The following SRP54 variants were observed in gnomAD, a reference collection of about 807,000 sequenced individuals.
The protein encoded by SRP54 is signal recognition particle subunit SRP54.
SRP54 carries 10 observed loss-of-function variants against 64.8 expected under a neutral mutation model. The ratio of observed to expected loss-of-function variants is 0.15; its 90% CI spans 0.10 to 0.26. The LOEUF (loss-of-function observed/expected upper bound fraction) is 0.26. Ranked by LOEUF, SRP54 falls within the 10% of genes least tolerant of loss-of-function variation. The probability of loss-of-function intolerance (pLI) is 1.00; values close to 1 mark genes in which losing one functional copy is unlikely to be tolerated. For synonymous variants in SRP54, 193 were observed against 185.6 expected (o/e 1.04, Z -0.32); for missense variants, 325 against 613.7 (o/e 0.53, Z 4.97).
intron 15 of SRP54, 26 bp from the exon 16 acceptor site, chr14:35,029,035 A>G: frequency 1.3e-6 from 2 of 1,577,210 alleles, no homozygotes; most frequent in Non-Finnish European, 1.7e-6. Flanking sequence ...TCTGTTTTTA[A>G]CTCTACTTCC....
rs376712278 is a variant in SRP54 at position 35,014,290 on chromosome 14, T to TTTTTTTTTTTTTTTTGTTTTTTTG, written c.886+392_886+393insTTTTTTTTTTTGTTTTTTTGTTTT. Reference sequence around the variant, plus strand: ...TGCCACTTAACTTTTTTTTTTTTTTTTTTTGAGACGGAGTTTCGCTCTTGT... The same window carrying TTTTTTTTTTTTTTTTGTTTTTTTG: ...TGCCACTTAACTTTTTTTTTTTTTTTTTTTTTTTTTTTTTTGTTTTTTTGTTTTGAGACGGAGTTTCGCTCTTGT... On this transcript the variant is annotated intron_variant, in intron 10 of 15. Transcript: ENST00000216774. Among the ~76,000 whole-genome samples, 108 of 127,252 alleles carry TTTTTTTTTTTTTTTTGTTTTTTTG rather than the reference T, an allele frequency of 8.5e-4. 2 individuals carry two copies. The highest frequency in any genetic ancestry group is 3.1e-3 in the African/African-American group (105 of 34,266). 83.5% of individuals were successfully genotyped at this position (127,252 alleles called of 152,430 possible). A position where few individuals can be genotyped will look rare whatever the true frequency, so the allele number is the denominator to read the frequency against.
chr14:35,013,743 T>C, intron 9 of SRP54, 59 bp from the exon 10 acceptor site: 1 of 1,448,370 alleles, frequency 6.9e-7, no homozygotes, highest in Non-Finnish European at 9.5e-7. Context: ...GAATTTCAGA[T>C]CTGCTGGAAA....
chr14:35,016,040 C>CCCTGCCCACTCCTT (rs2044433134), intron 11 of SRP54, among the ~76,000 whole-genome samples: 1 of 152,212 alleles, frequency 6.6e-6, no homozygotes, highest in Non-Finnish European at 1.5e-5. Context: ...TTCTTCCTCA[C>CCCTGCCCACTCCTT]TCTGCCCACT....
chr14:35,008,646 G>A lies in SRP54; in HGVS notation c.380G>A (p.Arg127Lys), dbSNP rs767571482. 1.3e-6 allele frequency: 2 copies of A among 1,585,542 alleles called. No homozygotes were observed. Among genetic ancestry groups the A allele is most frequent in the Non-Finnish European group, 1.7e-6 (2 of 1,165,860 alleles). The change falls in exon 6 of 16, where the codon AGG becomes AAG. Residue 127 changes from arginine (R) to lysine (K), a missense_variant. By Grantham distance (26) the Arg-to-Lys change is conservative. Transcript: ENST00000216774. Reference protein sequence around the residue: ...TCSKLAYYYQRKGWKTCLICA... With the variant: ...TCSKLAYYYQKKGWKTCLICA... ...ACCCAGCTAGCATATTATTACCAGAGGAAAGGTTGGAAGACCTGTTTAATA... is the reference window on the plus strand; with the variant it reads ...ACCCAGCTAGCATATTATTACCAGAAGAAAGGTTGGAAGACCTGTTTAATA...
chr14:34,997,612 G>T (rs1171945251), intron 2 of SRP54, among the ~76,000 whole-genome samples: 1 of 152,148 alleles, frequency 6.6e-6, no homozygotes, highest in Non-Finnish European at 1.5e-5. Context: ...TAACTTGGAG[G>T]TTAGAAAACT....
chr14:35,009,861 C>G (rs929638767), intron 7 of SRP54, among the ~76,000 whole-genome samples: 4 of 151,940 alleles, frequency 2.6e-5, no homozygotes, highest in African/African-American at 9.7e-5. Context: ...GACCTCATCT[C>G]TACAAAAAAT....
rs116533492 is a variant in SRP54, at chr14:35,005,229, A to G, written c.256-2054A>G. Among the ~76,000 whole-genome samples the G allele has an allele frequency of 6.3e-3, 952 of 152,294 alleles. 14 individuals carry two copies. The highest frequency in any genetic ancestry group is 0.022 in the African/African-American group (919 of 41,564). ...ATGCCTGTAGTTCCAGCTACTCAGG[A>G]GGCTGAGATGGTAGGATCGCTTGAG... is the stretch of plus-strand genomic sequence containing the variant. On this transcript the variant is annotated intron_variant, in intron 4 of 15. Transcript: ENST00000216774.
At chr14:35,020,645 C>T (rs1481828646) in intron 13 of SRP54, among the ~76,000 whole-genome samples, 1 of 152,142 alleles carries the variant, frequency 6.6e-6, no homozygotes, top group Non-Finnish European at 1.5e-5. Flanking sequence ...CCAAATAAGA[C>T]TGTCTTTTTC....
intron 1 of SRP54, among the ~76,000 whole-genome samples, chr14:34,992,149 C>G (rs1372775234): frequency 6.6e-6 from 1 of 151,728 alleles, no homozygotes; most frequent in Admixed American, 6.6e-5. Flanking sequence ...ACCAGGCTGG[C>G]CTTGAACTCC....
intron 13 of SRP54, among the ~76,000 whole-genome samples, chr14:35,020,298 C>A (rs10143040): frequency 6.6e-6 from 1 of 152,028 alleles, no homozygotes; most frequent in African/African-American, 2.4e-5. Context: ...ATGTTGATGA[C>A]TGCTAACTGA....
chr14:35,013,909 A>G lies in SRP54; in HGVS notation c.886+7A>G. The G allele has an allele frequency of 6.3e-7, 1 of 1,586,492 alleles. No individual in the cohort carries two copies. The highest frequency in any genetic ancestry group is 2.2e-5 in the East Asian group (1 of 44,722). ...TTTATTAGCAAACTTCTTGGTATGT[A>G]CAGTGGTGGGGATATAGAAAAATCT... is the stretch of plus-strand genomic sequence containing the variant. On this transcript the variant is annotated splice_region_variant and intron_variant, in intron 10 of 15. Transcript: ENST00000216774.
chr14:35,024,032 A>C (rs2044579492), intron 14 of SRP54, among the ~76,000 whole-genome samples: 1 of 151,976 alleles, frequency 6.6e-6, no homozygotes, highest in East Asian at 1.9e-4. Flanking sequence ...ATATTTCTTT[A>C]TTTATATTAT....
intron 1 of SRP54, among the ~76,000 whole-genome samples, chr14:34,983,812 C>G (rs1188868747): frequency 6.6e-6 from 1 of 152,182 alleles, no homozygotes; most frequent in Non-Finnish European, 1.5e-5. Flanking sequence ...ATGAATAACA[C>G]TAACTCTGCC....
At chr14:35,008,929 C>G in intron 7 of SRP54, 98 bp downstream of exon 7, 1 of 978,712 alleles carries the variant, frequency 1.0e-6, no homozygotes, top group Non-Finnish European at 1.5e-6. Flanking sequence ...CTCTGTCACC[C>G]AGGCTGGGGT....
At chr14:35,007,782 A>G (rs991025783) in intron 5 of SRP54, among the ~76,000 whole-genome samples, 10 of 136,606 alleles carry the variant, frequency 7.3e-5, no homozygotes, top group African/African-American at 2.6e-4. Flanking sequence ...TATTTACATT[A>G]AAATATATTA....
At chr14:35,006,518 A>G (rs1444385001) in intron 4 of SRP54, among the ~76,000 whole-genome samples, 8 of 152,306 alleles carry the variant, frequency 5.3e-5, no homozygotes, top group African/African-American at 1.9e-4. Flanking sequence ...TTAATTTTTT[A>G]TATAGATTAC....
At position 35,011,697 on chromosome 14, in the gene SRP54, T is replaced by C. The variant is rs757124106; in HGVS notation, c.636+38T>C. 4.9e-6 allele frequency: 7 copies of C among 1,429,640 alleles called. No individual in the cohort carries two copies. The East Asian group carries it at 7.2e-5, about 15-fold the overall frequency. 88.6% of individuals were successfully genotyped at this position (1,429,640 alleles called of 1,614,324 possible). A position where few individuals can be genotyped will look rare whatever the true frequency, so the allele number is the denominator to read the frequency against. ...CAATGTAACACTATTATTAGGACTT[T>C]GGTTAATTTAATTATAAAACCAGGT... On this transcript the variant is annotated intron_variant, in intron 8 of 15. Coordinates refer to ENST00000216774, the MANE Select transcript of SRP54 (RefSeq NM_003136.4).
intron 7 of SRP54, among the ~76,000 whole-genome samples, chr14:35,010,009 G>T (rs1270398515): frequency 6.6e-6 from 1 of 151,890 alleles, no homozygotes; most frequent in African/African-American, 2.4e-5. Context: ...TTAGCTGGGC[G>T]TGGTAGTGGG....
intron 7 of SRP54, among the ~76,000 whole-genome samples, 166 bp downstream of exon 7, chr14:35,008,997 C>T (rs1468824101): frequency 6.6e-6 from 1 of 151,460 alleles, no homozygotes; most frequent in East Asian, 1.9e-4. Flanking sequence ...AGTGATTCTC[C>T]TGTCTCAGCT....
Sources: allele counts gnomAD v4.1 joint callset (sites outside exome capture counted in the v4.1 genomes callset), GRCh38; gene constraint gnomAD v4.1.1; transcripts MANE v1.5; gene names NCBI Gene and HGNC (gene_info 2026-07-23, HGNC 2026-07-21).